Variants in GABRA6 observed in about 807,000 individuals in gnomAD.
GABRA6 encodes gamma-aminobutyric acid type A receptor subunit alpha6.
GABRA6 carries 45 observed loss-of-function variants against 47.3 expected under a neutral mutation model. That is an observed-to-expected ratio of 0.95 (90% CI 0.75 to 1.22). The LOEUF is 1.22. Among genes scored for constraint, GABRA6 ranks in the 50% most tolerant of loss-of-function variants. The probability of loss-of-function intolerance (pLI) is 0.00; values close to 1 mark genes in which losing one functional copy is unlikely to be tolerated. For synonymous variants in GABRA6, 219 were observed against 194.7 expected, an observed-to-expected ratio of 1.12 and a Z score of -1.04; for missense variants, 583 against 549.3, an observed-to-expected ratio of 1.06 and a Z score of -0.61.
chr5:161,688,040 C>G (rs1490089135), intron 3 of GABRA6, among the ~76,000 whole-genome samples: 1 of 152,042 alleles, frequency 6.6e-6, no homozygotes, highest in Non-Finnish European at 1.5e-5. Context: ...CAACAATTTG[C>G]TATTGAATTG....
chr5:161,687,532 G>A, intron 3 of GABRA6: 1 of 456,094 alleles, frequency 2.2e-6, no homozygotes, highest in South Asian at 1.5e-5. Context: ...AGGTACAGAT[G>A]GCTGTAGCAT....
chr5:161,701,531 A>T lies in GABRA6; in HGVS notation c.1120A>T (p.Ile374Phe). ...CTCCAAATATCATCTGAAGAAAAGGATCACTTCTCTGTCTTTGCCAATAGT... is the reference window on the plus strand; with the variant it reads ...CTCCAAATATCATCTGAAGAAAAGGTTCACTTCTCTGTCTTTGCCAATAGT... ...PDSKYHLKKR[I>F]TSLSLPIVSS... Residue 374 changes from isoleucine to phenylalanine, a missense_variant, in exon 9 of 9, where the codon ATC (isoleucine) becomes TTC (phenylalanine). Coordinates refer to ENST00000274545, the MANE Select transcript of GABRA6 (RefSeq NM_000811.3). The T allele has an allele frequency of 3.7e-6, 6 of 1,614,184 alleles. No individual in the cohort carries two copies. The highest frequency in any genetic ancestry group is 5.1e-6 in the Non-Finnish European group (6 of 1,180,034).
chr5:161,694,777 A>C (rs1006370549), intron 8 of GABRA6, among the ~76,000 whole-genome samples: 3 of 152,170 alleles, frequency 2.0e-5, no homozygotes, highest in Non-Finnish European at 4.4e-5. Context: ...AAATAAACAT[A>C]AAAACAACAA....
Position 161,686,214 on chromosome 5 carries a change from G to C in GABRA6, c.39-16G>C. The C allele has an allele frequency of 6.3e-7, 1 of 1,577,690 alleles. No homozygotes were observed. Among genetic ancestry groups the C allele is most frequent in the Non-Finnish European group, 8.7e-7 (1 of 1,146,846 alleles). ...TCTGAGCCTGGGAGTAAGGATCATT[G>C]ACTGTCTACACACAGGCTAGAAAAT... On this transcript the variant is annotated splice_polypyrimidine_tract_variant and intron_variant, in intron 1 of 8. Coordinates refer to ENST00000274545, the MANE Select transcript of GABRA6 (RefSeq NM_000811.3).
chr5:161,690,106 A>G, intron 6 of GABRA6, 95 bp from the exon 7 acceptor site: 2 of 1,161,522 alleles, frequency 1.7e-6, no homozygotes, highest in Admixed American at 3.4e-5. Flanking sequence ...TCTTCCAGTC[A>G]ATGTTAATTT....
chr5:161,693,558 C>A (rs886606021), intron 8 of GABRA6, among the ~76,000 whole-genome samples: 1 of 152,030 alleles, frequency 6.6e-6, no homozygotes. Flanking sequence ...CACCTGTCAT[C>A]CCAGCATTTT....
At chr5:161,689,922 C>G (rs1754763890) in intron 6 of GABRA6, 143 bp downstream of exon 6, 2 of 891,346 alleles carry the variant, frequency 2.2e-6, no homozygotes, top group East Asian at 5.2e-5. Context: ...TTCCTTAAAA[C>G]TGATTTTGCA....
chr5:161,686,040 CT>C lies in GABRA6; in HGVS notation c.38+18del. 6.2e-7 allele frequency: 1 copy of C among 1,612,464 alleles called. No individual in the cohort carries two copies. Among genetic ancestry groups the C allele is most frequent in the Non-Finnish European group, 8.5e-7 (1 of 1,178,532 alleles). ...GCATTATTCTGTGGTGAGTAAGATC[CT>C]TTTTCCTGATTTTTCTTTTTATCTC... is the stretch of plus-strand genomic sequence containing the variant. On this transcript the variant is annotated intron_variant, in intron 1 of 8. Coordinates refer to ENST00000274545, the MANE Select transcript of GABRA6 (RefSeq NM_000811.3).
intron 8 of GABRA6, among the ~76,000 whole-genome samples, chr5:161,699,838 T>G (rs1754948028): frequency 6.6e-6 from 1 of 152,142 alleles, no homozygotes; most frequent in African/African-American, 2.4e-5. Context: ...TTAAACTCTC[T>G]TCTACCTCTA....
chr5:161,687,390 A>G (rs547829862), intron 3 of GABRA6: 55 of 404,786 alleles, frequency 1.4e-4, no homozygotes, highest in Non-Finnish European at 2.4e-4. Flanking sequence ...AACCTAAAGC[A>G]TAATTGTCTT....
At position 161,701,500 on chromosome 5, in the gene GABRA6, T is replaced by A. The variant is rs776542439; in HGVS notation, c.1089T>A (p.His363Gln). The A allele has an allele frequency of 1.2e-6, 2 of 1,614,130 alleles. No homozygotes were observed. The highest frequency in any genetic ancestry group is 2.2e-5 in the South Asian group (2 of 91,074). Residue 363 changes from histidine (H) to glutamine (Q), a missense_variant and splice_region_variant, in exon 9 of 9, where the codon CAT (histidine) becomes CAA (glutamine). His to Gln is a conservative substitution (Grantham distance 24, BLOSUM62 0). Coordinates refer to ENST00000274545, the MANE Select transcript of GABRA6 (RefSeq NM_000811.3). Reference sequence around the variant, plus strand: ...TAATATTTGTCTTTTTTCCACAGCATCCTGACTCCAAATATCATCTGAAGA... The same window carrying A: ...TAATATTTGTCTTTTTTCCACAGCAACCTGACTCCAAATATCATCTGAAGA... ...TEPLEAEIVL[H>Q]PDSKYHLKKR... is the part of the protein sequence containing the mutation.
At chr5:161,689,609 T>C (rs1477593866) in intron 5 of GABRA6, 27 bp from the exon 6 acceptor site, 1 of 1,582,732 alleles carries the variant, frequency 6.3e-7, no homozygotes, top group African/African-American at 1.3e-5. Flanking sequence ...AATTCACTGC[T>C]ATATTTAATT....
chr5:161,701,881 C>G lies in GABRA6; in HGVS notation c.*108C>G. The G allele has an allele frequency of 8.2e-7, 1 of 1,214,176 alleles. No individual in the cohort carries two copies. Among genetic ancestry groups the G allele is most frequent in the Non-Finnish European group, 1.2e-6 (1 of 833,178 alleles). The allele number at this position is 1,214,176 out of a possible 1,614,324, so 75.2% of individuals were successfully genotyped here. On this transcript the variant is annotated 3_prime_UTR_variant, in exon 9 of 9. Transcript: ENST00000274545. ...GTAGATGCTTCTCAGAACATGAAAT[C>G]AAATTGGAAATCTGTAACGCAGCTT...
chr5:161,694,129 G>A (rs1236048370), intron 8 of GABRA6, among the ~76,000 whole-genome samples: 1 of 152,000 alleles, frequency 6.6e-6, no homozygotes, highest in East Asian at 1.9e-4. Flanking sequence ...AAATGTTTCT[G>A]AGAATTTTTT....
chr5:161,689,511 A>G (rs754940699), intron 5 of GABRA6, 125 bp from the exon 6 acceptor site: 1 of 1,102,164 alleles, frequency 9.1e-7, no homozygotes, highest in South Asian at 1.4e-5. Flanking sequence ...AGTCACCAAG[A>G]TTAAAGAAAA....
chr5:161,689,564 A>C, intron 5 of GABRA6, 72 bp from the exon 6 acceptor site: 1 of 1,324,872 alleles, frequency 7.5e-7, no homozygotes, highest in Non-Finnish European at 1.1e-6. Context: ...TTTATAGACA[A>C]TGTGCACTTT....
Position 161,701,817 on chromosome 5 carries a change from G to A in GABRA6, c.*44G>A, listed in dbSNP as rs993360437. 5 of 1,597,786 alleles carry A rather than the reference G, an allele frequency of 3.1e-6. No individual in the cohort carries two copies. In the African/African-American group the frequency reaches 5.4e-5, roughly 17 times the overall value. ...TGAATTCTATAAGTTCTTGTTTTCT[G>A]TTTCCTATGTTTTCTTAAAAAATAG... On this transcript the variant is annotated 3_prime_UTR_variant, in exon 9 of 9. Coordinates refer to ENST00000274545, the MANE Select transcript of GABRA6 (RefSeq NM_000811.3).
chr5:161,689,535 C>T (rs1754757284), intron 5 of GABRA6, 101 bp from the exon 6 acceptor site: 1 of 1,171,082 alleles, frequency 8.5e-7, no homozygotes, highest in East Asian at 2.5e-5. Context: ...TAAATACAAT[C>T]TATGTTTGTA....
intron 8 of GABRA6, among the ~76,000 whole-genome samples, chr5:161,693,550 C>T (rs1034856373): frequency 2.0e-5 from 3 of 152,066 alleles, no homozygotes; most frequent in African/African-American, 7.2e-5. Flanking sequence ...GTGGCTCACA[C>T]CTGTCATCCC....
Sources: allele counts gnomAD v4.1 joint callset (sites outside exome capture counted in the v4.1 genomes callset), GRCh38; gene constraint gnomAD v4.1.1; transcripts MANE v1.5; gene names NCBI Gene and HGNC (gene_info 2026-07-23, HGNC 2026-07-21).